The following MICAL2 variants were observed in gnomAD, a reference collection of about 807,000 sequenced individuals.
The protein encoded by MICAL2 is [F-actin]-monooxygenase MICAL2.
A neutral mutation model predicts 127.3 loss-of-function variants in MICAL2; 77 were observed. The observed-to-expected ratio is 0.60, with a 90% CI of 0.50 to 0.73. The LOEUF is 0.73. Among genes scored for constraint, MICAL2 ranks in the 30% least tolerant of loss-of-function variants. MICAL2 has a pLI of 0.00. For synonymous variants in MICAL2, 570 were observed against 551.1 expected, an observed-to-expected ratio of 1.03 and a Z score of -0.48; for missense variants, 1,351 against 1,434.4, an observed-to-expected ratio of 0.94 and a Z score of 0.94.
intron 3 of MICAL2, among the ~76,000 whole-genome samples, chr11:12,200,204 G>A (rs992999003): frequency 1.3e-5 from 2 of 152,202 alleles, no homozygotes; most frequent in Non-Finnish European, 1.5e-5. Context: ...AATATGACCC[G>A]CAGAGCTGGT....
At chr11:12,349,737 C>T in intron 32 of MICAL2, 1 of 1,104,872 alleles carries the variant, frequency 9.1e-7, no homozygotes. Context: ...CCTGCAGAGC[C>T]CTTGTCACTA....
At chr11:12,299,834 G>T (rs1864026776) in intron 29 of MICAL2, among the ~76,000 whole-genome samples, 1 of 152,272 alleles carries the variant, frequency 6.6e-6, no homozygotes, top group African/African-American at 2.4e-5. Context: ...TATATGCCCT[G>T]CCCAACAAAG....
intron 29 of MICAL2, among the ~76,000 whole-genome samples, chr11:12,318,087 G>A (rs188774882): frequency 6.6e-6 from 1 of 152,296 alleles, no homozygotes; most frequent in Admixed American, 6.5e-5. Context: ...CGTGGTTCCT[G>A]CTGCTCTTGC....
At chr11:12,230,766 A>C (rs1458401571) in intron 15 of MICAL2, among the ~76,000 whole-genome samples, 1 of 151,652 alleles carries the variant, frequency 6.6e-6, no homozygotes, top group East Asian at 1.9e-4. Context: ...AGATGTATCA[A>C]CTTCAAGCAA....
intron 4 of MICAL2, among the ~76,000 whole-genome samples, chr11:12,206,101 G>A (rs1186662617): frequency 1.3e-5 from 2 of 152,196 alleles, no homozygotes; most frequent in African/African-American, 2.4e-5. Flanking sequence ...TACTCAGAAA[G>A]CTGCAGTGTC....
intron 29 of MICAL2, among the ~76,000 whole-genome samples, chr11:12,317,678 G>A (rs970191342): frequency 6.6e-6 from 1 of 152,068 alleles, no homozygotes; most frequent in Non-Finnish European, 1.5e-5. Context: ...TGTAATCCCA[G>A]CTACTCAGGA....
chr11:12,260,523 C>G (rs1862967907), intron 26 of MICAL2: 2 of 1,026,830 alleles, frequency 1.9e-6, no homozygotes, highest in African/African-American at 3.4e-5. Flanking sequence ...TTTTATAAAC[C>G]CCTTGAACAC....
At chr11:12,226,778 G>A (rs967789411) in intron 14 of MICAL2, among the ~76,000 whole-genome samples, 1 of 149,976 alleles carries the variant, frequency 6.7e-6, no homozygotes, top group African/African-American at 2.5e-5. Flanking sequence ...TCAGCCTCCC[G>A]AGTAGCTGGG....
intron 3 of MICAL2, among the ~76,000 whole-genome samples, chr11:12,200,533 A>G (rs1860572677): frequency 6.6e-6 from 1 of 152,238 alleles, no homozygotes; most frequent in Non-Finnish European, 1.5e-5. Flanking sequence ...AAGTGCGTTC[A>G]GAGAAGACCT....
At chr11:12,349,112 A>G (rs1366909338) in intron 32 of MICAL2, among the ~76,000 whole-genome samples, 1 of 152,180 alleles carries the variant, frequency 6.6e-6, no homozygotes, top group Non-Finnish European at 1.5e-5. Context: ...TTCTCCTTTC[A>G]GGGTGAAATA....
chr11:12,268,977 C>T (rs149392046), intron 24 of MICAL2, among the ~76,000 whole-genome samples: 16 of 151,894 alleles, frequency 1.1e-4, no homozygotes, highest in East Asian at 3.9e-4. Context: ...CCAGCCTCGG[C>T]GACGAGCGAG....
intron 3 of MICAL2, among the ~76,000 whole-genome samples, chr11:12,203,773 T>C (rs1026186336): frequency 1.3e-5 from 2 of 152,232 alleles, no homozygotes; most frequent in Non-Finnish European, 2.9e-5. Flanking sequence ...AAGTCTCATT[T>C]ATTAATTTTT....
At chr11:12,165,158 A>G (rs550619325) in intron 3 of MICAL2, among the ~76,000 whole-genome samples, 9 of 52,556 alleles carry the variant, frequency 1.7e-4, no homozygotes, top group South Asian at 9.2e-4. Context: ...AAAAAAAAGA[A>G]AAGAAAGAAA....
chr11:12,332,643 T>G (rs1327385214), intron 32 of MICAL2, among the ~76,000 whole-genome samples: 2 of 152,176 alleles, frequency 1.3e-5, no homozygotes, highest in Non-Finnish European at 2.9e-5. Context: ...AGTTGCCCTG[T>G]TCCCAAGTCC....
downstream of MICAL2, among the ~76,000 whole-genome samples, chr11:12,264,741 C>T (rs961165283): frequency 1.3e-5 from 2 of 152,182 alleles, no homozygotes; most frequent in African/African-American, 4.8e-5. Flanking sequence ...TTCCCACTTC[C>T]ATTTAAGGAG....
intron 32 of MICAL2, among the ~76,000 whole-genome samples, chr11:12,334,234 A>T (rs762106229): frequency 2.6e-5 from 4 of 152,164 alleles, no homozygotes; most frequent in Admixed American, 6.5e-5. Flanking sequence ...TCCCTGATAT[A>T]AAATGGCGTA....
In MICAL2 at chr11:12,199,473, G is replaced by C. The variant is rs1860383377; in HGVS notation, c.265-4777G>C. On this transcript the variant is annotated intron_variant, in intron 3 of 27. Transcript: ENST00000683283. The stretch of plus-strand genomic sequence containing the variant: ...AGGAACACAAGGGCAGGATTCGGAA[G>C]TGGAAATGAAACCTGCAGACTGCTA... Among the ~76,000 whole-genome samples, 4 of 152,204 alleles carry C rather than the reference G, an allele frequency of 2.6e-5. No homozygotes were observed. The South Asian group carries it at 8.3e-4, about 31-fold the overall frequency.
chr11:12,187,439 C>T (rs996079706), intron 3 of MICAL2, among the ~76,000 whole-genome samples: 2 of 152,202 alleles, frequency 1.3e-5, no homozygotes, highest in Non-Finnish European at 2.9e-5. Context: ...AGCAACACTT[C>T]CCCCTCTGGG....
chr11:12,249,141 G>A, intron 21 of MICAL2, 43 bp from the exon 22 acceptor site: 2 of 1,610,600 alleles, frequency 1.2e-6, no homozygotes, highest in South Asian at 1.1e-5. Flanking sequence ...CGGAAAGAAA[G>A]CTTATTTACC....
Sources: allele counts gnomAD v4.1 joint callset (sites outside exome capture counted in the v4.1 genomes callset), GRCh38; gene constraint gnomAD v4.1.1; transcripts MANE v1.5; gene names NCBI Gene and HGNC (gene_info 2026-07-23, HGNC 2026-07-21).